Variants in PRKN observed in about 807,000 individuals in gnomAD.
PRKN encodes E3 ubiquitin-protein ligase parkin.
PRKN carries 56 observed loss-of-function variants against 59.5 expected under a neutral mutation model. The observed-to-expected ratio is 0.94, with a 90% confidence interval of 0.76 to 1.18. PRKN has a LOEUF of 1.18. Ranked by LOEUF, PRKN falls within the 50% of genes most tolerant of loss-of-function variation. PRKN has a pLI of 0.00. For synonymous variants in PRKN, 250 were observed against 222.1 expected (o/e 1.13, Z -1.12); for missense variants, 657 against 596.4 (o/e 1.10, Z -1.06).
rs398003250 is a variant in PRKN, at chr6:162,647,949, C to CAAAAAAAAAAAAAAAAAAA, written c.7+79694_7+79712dup. Among the ~76,000 whole-genome samples, 2 of 75,650 alleles carry CAAAAAAAAAAAAAAAAAAA rather than the reference C, an allele frequency of 2.6e-5. 1 individual carries two copies. The allele number at this position is 75,650 out of a possible 152,430, so 49.6% of individuals were successfully genotyped here. On this transcript the variant is annotated intron_variant, in intron 1 of 11. Coordinates refer to ENST00000366898, the MANE Select transcript of PRKN (RefSeq NM_004562.3). Reference sequence around the variant, plus strand: ...GAACCATCTCTATATGTCCACAGTGCAAAAAAAAAAAAAAAAAAAAAAAAA... The same window carrying CAAAAAAAAAAAAAAAAAAA: ...GAACCATCTCTATATGTCCACAGTGCAAAAAAAAAAAAAAAAAAAAAAAAAAAAAAAAAAAAAAAAAAAA...
chr6:161,438,410 G>C (rs1469340431), intron 9 of PRKN, among the ~76,000 whole-genome samples: 1 of 151,794 alleles, frequency 6.6e-6, no homozygotes, highest in Non-Finnish European at 1.5e-5. Flanking sequence ...TAGAGATGGG[G>C]TTTCACCATG....
At chr6:161,927,162 A>G (rs569433011) in intron 6 of PRKN, among the ~76,000 whole-genome samples, 1 of 152,312 alleles carries the variant, frequency 6.6e-6, no homozygotes, top group East Asian at 1.9e-4. Flanking sequence ...TTTGTTAACC[A>G]GTATTTTCCT....
chr6:162,475,331 G>A lies in PRKN; in HGVS notation c.8-31858C>T, dbSNP rs567714868. Among the ~76,000 whole-genome samples the A allele has an allele frequency of 3.3e-5, 5 of 152,292 alleles. No homozygotes were observed. The South Asian group carries it at 8.3e-4, about 25-fold the overall frequency. On this transcript the variant is annotated intron_variant, in intron 1 of 11. Transcript: ENST00000366898. ...AATTATTCAACGTCAAGTGTTGTGG[G>A]CCAAAAGCCACAAGAGAAAAGGATT...
chr6:161,793,388 G>A (rs1790715287), intron 6 of PRKN, among the ~76,000 whole-genome samples: 1 of 152,068 alleles, frequency 6.6e-6, no homozygotes, highest in South Asian at 2.1e-4. Flanking sequence ...GCATGGAAGA[G>A]GGTTTACTTT....
intron 6 of PRKN, among the ~76,000 whole-genome samples, chr6:161,867,140 T>C (rs959053557): frequency 2.6e-5 from 4 of 152,210 alleles, no homozygotes; most frequent in Non-Finnish European, 5.9e-5. Flanking sequence ...CTGTTCTATA[T>C]TGCGAGTTGA....
intron 2 of PRKN, among the ~76,000 whole-genome samples, chr6:162,349,660 T>C (rs1390844915): frequency 1.3e-5 from 2 of 152,116 alleles, no homozygotes; most frequent in African/African-American, 2.4e-5. Context: ...ATTCCAATAA[T>C]GAGAGGTGAT....
intron 4 of PRKN, among the ~76,000 whole-genome samples, chr6:162,105,352 C>A (rs1236022357): frequency 1.3e-5 from 2 of 152,028 alleles, no homozygotes; most frequent in Admixed American, 1.3e-4. Context: ...ACAAATAATG[C>A]CTTCAAGGAG....
In PRKN at chr6:161,593,247, G is replaced by A. The variant is rs142814447; in HGVS notation, c.872-23831C>T. Among the ~76,000 whole-genome samples, 2 of 152,276 alleles carry A rather than the reference G, an allele frequency of 1.3e-5. No individual in the cohort carries two copies. Among genetic ancestry groups the A allele is most frequent in the African/African-American group, 2.4e-5 (1 of 41,572 alleles). ...TCCCAGGAGCTGTTCCGAGTGCTTC[G>A]CATGGATCACCTCCTTAGTCCTTAC... On this transcript the variant is annotated intron_variant, in intron 7 of 11. Coordinates refer to ENST00000366898, the MANE Select transcript of PRKN (RefSeq NM_004562.3). The surrounding 1 kb of genome is among the most constrained non-coding windows in gnomAD (Gnocchi z 4.8).
At chr6:162,035,466 A>C (rs2128280375) in intron 5 of PRKN, among the ~76,000 whole-genome samples, 1 of 152,348 alleles carries the variant, frequency 6.6e-6, no homozygotes, top group Non-Finnish European at 1.5e-5. Context: ...ATCTGTGTTT[A>C]AAGTACATTC....
At chr6:162,539,322 T>C (rs1778835387) in intron 1 of PRKN, among the ~76,000 whole-genome samples, 1 of 152,192 alleles carries the variant, frequency 6.6e-6, no homozygotes, top group Non-Finnish European at 1.5e-5. Flanking sequence ...ATTAGACACA[T>C]GGGTAAATTA....
At chr6:162,379,698 T>C (rs907699966) in intron 2 of PRKN, among the ~76,000 whole-genome samples, 4 of 152,180 alleles carry the variant, frequency 2.6e-5, no homozygotes, top group African/African-American at 9.6e-5. Flanking sequence ...GCAGGTTTCC[T>C]TGGCGTCTCC....
chr6:161,733,636 A>C (rs1260887279), intron 7 of PRKN, among the ~76,000 whole-genome samples: 2 of 151,946 alleles, frequency 1.3e-5, no homozygotes, highest in Non-Finnish European at 2.9e-5. Context: ...TAACTGAAAC[A>C]AAGCTTGATC....
At chr6:161,829,660 C>A (rs575100414) in intron 6 of PRKN, among the ~76,000 whole-genome samples, 2 of 151,956 alleles carry the variant, frequency 1.3e-5, no homozygotes, top group African/African-American at 2.4e-5. Context: ...CAAAGGCCTC[C>A]GCAGAAAGCT....
chr6:162,314,508 T>G (rs1782664181), intron 2 of PRKN, among the ~76,000 whole-genome samples: 2 of 152,066 alleles, frequency 1.3e-5, no homozygotes, highest in South Asian at 4.1e-4. Context: ...ACATGCAAGA[T>G]CCTAAGTAGC....
At chr6:161,625,870 A>G (rs1370419351) in intron 7 of PRKN, among the ~76,000 whole-genome samples, 1 of 152,162 alleles carries the variant, frequency 6.6e-6, no homozygotes, top group Non-Finnish European at 1.5e-5. Context: ...ATTTCCTTAC[A>G]AAGGGCCTGT....
chr6:162,389,858 T>C (rs2128143972), intron 2 of PRKN, among the ~76,000 whole-genome samples: 1 of 152,336 alleles, frequency 6.6e-6, no homozygotes, highest in African/African-American at 2.4e-5. Context: ...ACATACTCTT[T>C]GCACTAGGGT....
intron 2 of PRKN, among the ~76,000 whole-genome samples, chr6:162,289,040 G>A (rs1465546726): frequency 6.6e-6 from 1 of 152,086 alleles, no homozygotes; most frequent in Non-Finnish European, 1.5e-5. Flanking sequence ...TCCTACACAT[G>A]GGTTTCCTAG....
At chr6:161,769,078 T>C (rs1028684493) in intron 7 of PRKN, among the ~76,000 whole-genome samples, 3 of 152,232 alleles carry the variant, frequency 2.0e-5, no homozygotes, top group Non-Finnish European at 2.9e-5. Context: ...ACATTTCTTA[T>C]AATGTTAATC....
intron 5 of PRKN, among the ~76,000 whole-genome samples, chr6:161,977,853 C>A (rs1781110499): frequency 6.6e-6 from 1 of 151,748 alleles, no homozygotes; most frequent in African/African-American, 2.4e-5. Context: ...CCGGCCCTAT[C>A]TTCTCTACTT....
Sources: gnomAD v4.1 joint callset for allele counts (sites outside exome capture counted in the v4.1 genomes callset) on GRCh38, gnomAD v4.1.1 for gene constraint, Gnocchi (gnomAD v3.1) non-coding constraint, MANE v1.5 for transcripts, NCBI Gene and HGNC (gene_info 2026-07-23, HGNC 2026-07-21) for gene names.